The following C10orf143 variants were observed in gnomAD, a reference collection of about 807,000 sequenced individuals.
The protein encoded by C10orf143 is uncharacterized protein C10orf143.
intron 1 of C10orf143, among the ~76,000 whole-genome samples, chr10:130,094,612 C>A (rs573277357): frequency 6.6e-6 from 1 of 152,274 alleles, no homozygotes; most frequent in Non-Finnish European, 1.5e-5. Context: ...ATAAGCAGAA[C>A]CAATGACAAA....
At chr10:130,071,813 G>A (rs1360697952) in intron 3 of C10orf143, among the ~76,000 whole-genome samples, 7 of 152,098 alleles carry the variant, frequency 4.6e-5, no homozygotes, top group Non-Finnish European at 1.0e-4. Context: ...CAGTAGAGAT[G>A]CAGTTTCTCC....
intron 3 of C10orf143, among the ~76,000 whole-genome samples, chr10:130,050,555 C>A (rs1409239367): frequency 6.6e-6 from 1 of 152,170 alleles, no homozygotes; most frequent in Non-Finnish European, 1.5e-5. Flanking sequence ...TAATCAGAAT[C>A]ATCTTAGTCA....
intron 3 of C10orf143, among the ~76,000 whole-genome samples, chr10:130,050,132 C>T (rs1343455276): frequency 1.8e-4 from 27 of 152,208 alleles, no homozygotes; most frequent in Non-Finnish European, 3.2e-4. Flanking sequence ...TGGTGGGACC[C>T]GCCTGGGCGA....
chr10:130,069,108 A>G (rs770099396), intron 3 of C10orf143, among the ~76,000 whole-genome samples: 3 of 152,240 alleles, frequency 2.0e-5, no homozygotes, highest in Non-Finnish European at 4.4e-5. Context: ...ACATCATAAC[A>G]AAGTGATCTA....
At chr10:130,067,131 C>G (rs899133974) in intron 3 of C10orf143, 1 of 152,300 alleles carries the variant, frequency 6.6e-6, no homozygotes, top group African/African-American at 2.4e-5. Flanking sequence ...ACCCTTGGGG[C>G]ACACGTGTGT....
intron 1 of C10orf143, among the ~76,000 whole-genome samples, chr10:130,102,126 G>A (rs1362566235): frequency 2.0e-5 from 3 of 151,868 alleles, no homozygotes; most frequent in East Asian, 1.9e-4. Context: ...AAAATTACCC[G>A]GGATGGGGTG....
At chr10:130,053,766 T>G (rs1271814017) in intron 3 of C10orf143, among the ~76,000 whole-genome samples, 1 of 152,232 alleles carries the variant, frequency 6.6e-6, no homozygotes, top group Non-Finnish European at 1.5e-5. Context: ...TGGAACCATC[T>G]GGAAAGACAA....
intron 3 of C10orf143, among the ~76,000 whole-genome samples, chr10:130,076,617 C>G (rs1041008533): frequency 1.3e-5 from 2 of 152,196 alleles, no homozygotes; most frequent in East Asian, 3.9e-4. Flanking sequence ...TAAATCCTTT[C>G]TACAGTTCTC....
At chr10:130,076,366 G>T (rs1861119042) in intron 3 of C10orf143, among the ~76,000 whole-genome samples, 4 of 152,134 alleles carry the variant, frequency 2.6e-5, no homozygotes, top group Admixed American at 2.6e-4. Context: ...GATTCTCCCA[G>T]AAGTCAGAAG....
intron 3 of C10orf143, among the ~76,000 whole-genome samples, chr10:130,038,668 A>C (rs1468002512): frequency 6.6e-6 from 1 of 151,654 alleles, no homozygotes; most frequent in Non-Finnish European, 1.5e-5. Flanking sequence ...GCCCTTCCCC[A>C]CCCCCCAGGC....
At position 130,056,782 on chromosome 10, in the gene C10orf143, G is replaced by A. The variant is rs1373337557; in HGVS notation, c.298-20812C>T. 1.3e-5 allele frequency among the ~76,000 whole-genome samples: 2 copies of A among 151,972 alleles called. No homozygotes were observed. The highest frequency in any genetic ancestry group is 2.1e-4 in the South Asian group (1 of 4,818). On this transcript the variant is annotated intron_variant and NMD_transcript_variant, in intron 3 of 5. Transcript: ENST00000643056. The surrounding 1 kb of genome is among the most constrained non-coding windows in gnomAD (Gnocchi z 4.6). ...AATTTTTTGTATTTTTAGTAGAGAC[G>A]GGGTTTCACCATGTTAGCCAAGATG... is the stretch of plus-strand genomic sequence containing the variant.
rs1860617887 is a variant in C10orf143 at position 130,042,397 on chromosome 10, C to T, written c.298-6427G>A. Among the ~76,000 whole-genome samples, 3 of 152,222 alleles carry T rather than the reference C, an allele frequency of 2.0e-5. No individual in the cohort carries two copies. The South Asian group carries it at 6.2e-4, about 32-fold the overall frequency. On this transcript the variant is annotated intron_variant and NMD_transcript_variant, in intron 3 of 5. Transcript: ENST00000643056. ...AGAGTTTGTGAATGGATAAATATGA[C>T]GAAGTTCCTTTGGCTCACTTCCTCA...
chr10:130,093,812 G>A lies in C10orf143; in HGVS notation c.70-13911C>T, dbSNP rs184505198. On this transcript the variant is annotated intron_variant, in intron 1 of 3. Transcript: ENST00000637128. ...CGGATCACGAGGTCAGATTGAGATC[G>A]TCCTGGCTAACACAGGTGAAACCCC... Among the ~76,000 whole-genome samples, 327 of 151,964 alleles carry A rather than the reference G, an allele frequency of 2.2e-3. 1 individual carries two copies. The highest frequency in any genetic ancestry group is 7.3e-3 in the African/African-American group (302 of 41,478).
intron 3 of C10orf143, among the ~76,000 whole-genome samples, chr10:130,071,735 C>A (rs981398600): frequency 2.0e-5 from 3 of 152,088 alleles, no homozygotes; most frequent in Admixed American, 6.5e-5. Context: ...TCAAGAGATT[C>A]TCCTGCCTCA....
At chr10:130,089,634 T>A (rs1316027347) in intron 1 of C10orf143, among the ~76,000 whole-genome samples, 1 of 152,106 alleles carries the variant, frequency 6.6e-6, no homozygotes, top group Non-Finnish European at 1.5e-5. Context: ...TAAAAAAGAC[T>A]TCAAAACTTA....
intron 1 of C10orf143, among the ~76,000 whole-genome samples, chr10:130,089,424 C>A (rs1195186286): frequency 6.6e-6 from 1 of 152,016 alleles, no homozygotes; most frequent in Admixed American, 6.6e-5. Context: ...AATCCTGTGA[C>A]AATGGAGGGA....
chr10:130,107,655 C>T (rs1861677603), intron 1 of C10orf143: 1 of 1,321,170 alleles, frequency 7.6e-7, no homozygotes, highest in African/African-American at 1.4e-5. Flanking sequence ...TCTCCCGCAA[C>T]TCTGTTGGAG....
At chr10:130,075,990 T>TC (rs1861110193) in intron 3 of C10orf143, among the ~76,000 whole-genome samples, 1 of 148,288 alleles carries the variant, frequency 6.7e-6, no homozygotes, top group Non-Finnish European at 1.5e-5. Flanking sequence ...TTTGTTTGTT[T>TC]GTTTTTTTTT....
downstream of C10orf143, among the ~76,000 whole-genome samples, chr10:130,063,516 T>C (rs765705797): frequency 9.2e-5 from 14 of 152,198 alleles, no homozygotes; most frequent in Non-Finnish European, 1.6e-4. Context: ...GGATCATCCA[T>C]ATCCCAGGTG....
Sources: gnomAD v4.1 joint callset for allele counts (sites outside exome capture counted in the v4.1 genomes callset) on GRCh38, gnomAD v4.1.1 for gene constraint, Gnocchi (gnomAD v3.1) non-coding constraint, MANE v1.5 for transcripts, NCBI Gene and HGNC (gene_info 2026-07-23, HGNC 2026-07-21) for gene names.